Variants in RIC1 observed in about 807,000 individuals in gnomAD.
RIC1 encodes guanine nucleotide exchange factor subunit RIC1.
RIC1 carries 88 observed loss-of-function variants against 169.0 expected under a neutral mutation model. The ratio of observed to expected loss-of-function variants is 0.52; its 90% CI spans 0.44 to 0.62. The LOEUF is 0.62. RIC1 is among the 20% of genes least tolerant of loss of function. The pLI is 0.00. For synonymous variants in RIC1, 790 were observed against 601.5 expected (o/e 1.31, Z -4.59); for missense variants, 1,877 against 1,725.5 (o/e 1.09, Z -1.56).
chr9:5,686,398 C>A (rs1434301052), intron 2 of RIC1, among the ~76,000 whole-genome samples: 1 of 152,084 alleles, frequency 6.6e-6, no homozygotes, highest in Non-Finnish European at 1.5e-5. Flanking sequence ...CAATGATAGA[C>A]TGGATTAAGA....
intron 2 of RIC1, among the ~76,000 whole-genome samples, chr9:5,660,809 C>T (rs560310680): frequency 6.6e-6 from 1 of 152,042 alleles, no homozygotes; most frequent in Non-Finnish European, 1.5e-5. Context: ...TTTATCTGCT[C>T]ACTCCAATGA....
chr9:5,747,357 G>A lies in RIC1; in HGVS notation c.1304G>A (p.Gly435Glu). 1 of 1,614,048 alleles carries A rather than the reference G, an allele frequency of 6.2e-7. No homozygotes were observed. The highest frequency in any genetic ancestry group is 8.5e-7 in the Non-Finnish European group (1 of 1,179,962). Residue 435 changes from glycine to glutamate, a missense_variant, in exon 12 of 26, where the codon GGA (glycine) becomes GAA (glutamate). Transcript: ENST00000414202. ...QGEDRLYLNC[G>E]EASQTQNPRS... ...GAGGATCGCTTGTACTTGAACTGTG[G>A]AGAGGCTTCACAAACCCAGAATCCC...
chr9:5,774,070 A>C lies in RIC1; in HGVS notation c.4096A>C (p.Thr1366Pro), dbSNP rs1233763885. 2 of 1,613,874 alleles carry C rather than the reference A, an allele frequency of 1.2e-6. No homozygotes were observed. Among genetic ancestry groups the C allele is most frequent in the Non-Finnish European group, 1.7e-6 (2 of 1,179,962 alleles). ...CTTCCAACCAATAACTATGGGTAAGACTCCAGAACAGACTAGCCCCCGGGC... is the reference window on the plus strand; with the variant it reads ...CTTCCAACCAATAACTATGGGTAAGCCTCCAGAACAGACTAGCCCCCGGGC... ...DAFQPITMGK[T>P]PEQTSPRAEE... The change falls in exon 26 of 26, where the codon ACT becomes CCT. Residue 1366 changes from threonine (T) to proline (P), a missense_variant. Thr to Pro is a conservative substitution (Grantham distance 38, BLOSUM62 -1). This residue lies in a region of RIC1 where 681 missense variants were observed against 582.0 expected (regional missense o/e 1.17). Transcript: ENST00000414202.
intron 3 of RIC1, among the ~76,000 whole-genome samples, chr9:5,709,609 C>G (rs1478937165): frequency 6.6e-6 from 1 of 152,184 alleles, no homozygotes; most frequent in African/African-American, 2.4e-5. Context: ...TCCTGGCATT[C>G]AGTGCTTTCA....
chr9:5,672,120 G>C (rs909202631), intron 2 of RIC1, among the ~76,000 whole-genome samples: 4 of 152,170 alleles, frequency 2.6e-5, no homozygotes, highest in African/African-American at 2.4e-5. Context: ...TGAAGCCTCA[G>C]CTCAGCAGTA....
intron 2 of RIC1, among the ~76,000 whole-genome samples, chr9:5,685,971 T>C (rs1218287468): frequency 6.6e-6 from 1 of 151,824 alleles, no homozygotes; most frequent in Non-Finnish European, 1.5e-5. Context: ...GCGAAGGACA[T>C]GAACAGACAC....
At chr9:5,682,313 C>T (rs1412774874) in intron 2 of RIC1, among the ~76,000 whole-genome samples, 31 of 152,168 alleles carry the variant, frequency 2.0e-4, no homozygotes, top group East Asian at 9.7e-4. Context: ...TTCCTTTCCA[C>T]GTTTAGTGCT....
intron 1 of RIC1, among the ~76,000 whole-genome samples, chr9:5,638,840 T>C (rs1818100148): frequency 6.6e-6 from 1 of 152,204 alleles, no homozygotes; most frequent in Non-Finnish European, 1.5e-5. Flanking sequence ...CTTTATTATT[T>C]CTGTTACTAA....
chr9:5,749,743 T>G (rs547286173), intron 12 of RIC1, among the ~76,000 whole-genome samples: 1 of 149,244 alleles, frequency 6.7e-6, no homozygotes, highest in East Asian at 2.0e-4. Context: ...GCAGGATTGG[T>G]AACTGGCAGT....
intron 3 of RIC1, among the ~76,000 whole-genome samples, chr9:5,712,115 G>A (rs1822967292): frequency 6.6e-6 from 1 of 152,078 alleles, no homozygotes; most frequent in Non-Finnish European, 1.5e-5. Flanking sequence ...TGGGTCAAAT[G>A]GTATTTCTAG....
intron 6 of RIC1, among the ~76,000 whole-genome samples, chr9:5,730,237 C>A (rs566112083): frequency 6.6e-6 from 1 of 152,242 alleles, no homozygotes; most frequent in East Asian, 1.9e-4. Context: ...GACAGAACCT[C>A]CTGAGGACTA....
chr9:5,677,580 A>G (rs1820527309), intron 2 of RIC1, among the ~76,000 whole-genome samples: 1 of 150,058 alleles, frequency 6.7e-6, no homozygotes, highest in Non-Finnish European at 1.5e-5. Flanking sequence ...TGATTACTCT[A>G]GATATATAAT....
chr9:5,728,639 C>T (rs139378886), intron 6 of RIC1, among the ~76,000 whole-genome samples: 3 of 152,220 alleles, frequency 2.0e-5, no homozygotes, highest in Non-Finnish European at 4.4e-5. Flanking sequence ...GAGCTGTACA[C>T]TGGAGCTGTT....
chr9:5,645,564 C>A (rs1047072992), intron 1 of RIC1, among the ~76,000 whole-genome samples: 1 of 152,178 alleles, frequency 6.6e-6, no homozygotes, highest in African/African-American at 2.4e-5. Context: ...GTTTTCTCAT[C>A]CCATCAGTCC....
intron 12 of RIC1, among the ~76,000 whole-genome samples, chr9:5,750,629 C>G (rs1248983680): frequency 6.6e-6 from 1 of 151,690 alleles, no homozygotes; most frequent in Non-Finnish European, 1.5e-5. Flanking sequence ...ATCATAATAA[C>G]AAATGAGGGC....
intron 2 of RIC1, among the ~76,000 whole-genome samples, chr9:5,676,986 A>T (rs1037368959): frequency 6.6e-6 from 1 of 152,236 alleles, no homozygotes; most frequent in Non-Finnish European, 1.5e-5. Context: ...CTACATGAAC[A>T]TTGATGTACA....
At chr9:5,773,920 T>G (rs1563730435) in intron 25 of RIC1, 38 bp from the exon 26 acceptor site, 10 of 1,518,646 alleles carry the variant, frequency 6.6e-6, no homozygotes, top group Non-Finnish European at 8.0e-6. Context: ...ACCTTTTGAA[T>G]TATGGCAGAT....
rs1286438002 is a variant in RIC1 at position 5,775,473 on chromosome 9, G to C, written c.*1227G>C. On this transcript the variant is annotated 3_prime_UTR_variant, in exon 26 of 26. Coordinates refer to ENST00000414202, the MANE Select transcript of RIC1 (RefSeq NM_020829.4). ...ACAGCTTGTTTGTACTGTGCAATTT[G>C]AACAAGGAATGCAATGTTATTTTTT... 1.3e-5 allele frequency: 2 copies of C among 152,054 alleles called. No homozygotes were observed. Among genetic ancestry groups the C allele is most frequent in the East Asian group, 3.9e-4 (2 of 5,192 alleles). 9.4% of individuals were successfully genotyped at this position (152,054 alleles called of 1,614,324 possible).
chr9:5,654,438 G>A (rs925087714), intron 1 of RIC1, among the ~76,000 whole-genome samples: 5 of 152,034 alleles, frequency 3.3e-5, no homozygotes, highest in East Asian at 1.9e-4. Flanking sequence ...TAGTAGAGAC[G>A]GGGTTTCACC....
Sources: allele counts gnomAD v4.1 joint callset (sites outside exome capture counted in the v4.1 genomes callset), GRCh38; gene constraint gnomAD v4.1.1; regional missense constraint gnomAD v4.1.1; transcripts MANE v1.5; gene names NCBI Gene and HGNC (gene_info 2026-07-23, HGNC 2026-07-21).